The following FAM227B variants were observed in gnomAD, a reference collection of about 807,000 sequenced individuals.
FAM227B encodes family with sequence similarity 227 member B.
Under a neutral mutation model 73.8 loss-of-function variants are expected in FAM227B, and 88 were observed. The ratio of observed to expected loss-of-function variants is 1.19; its 90% CI spans 1.00 to 1.42. FAM227B has a LOEUF of 1.42. Ranked by LOEUF, FAM227B falls within the 40% of genes most tolerant of loss-of-function variation. FAM227B has a pLI of 0.00. For synonymous variants in FAM227B, 210 were observed against 190.5 expected (o/e 1.10, Z -0.84); for missense variants, 632 against 590.9 (o/e 1.07, Z -0.72).
At chr15:49,553,717 A>G (rs571478575) in intron 9 of FAM227B, among the ~76,000 whole-genome samples, 1 of 152,264 alleles carries the variant, frequency 6.6e-6, no homozygotes, top group African/African-American at 2.4e-5. Context: ...CTATCAGCCA[A>G]TGTTCCCTTA....
intron 9 of FAM227B, among the ~76,000 whole-genome samples, chr15:49,564,468 C>T (rs62021587): frequency 0.28 from 42,014 of 152,006 alleles, 6,027 homozygotes; most frequent in East Asian, 0.38. Context: ...CCATTAGACC[C>T]AGGAATCCCA....
In FAM227B at chr15:49,391,854, AG is replaced by A. The variant is rs531417830; in HGVS notation, c.1013-20456del. On this transcript the variant is annotated intron_variant, in intron 11 of 15. Transcript: ENST00000299338. ...TCTGCTTTTAAGAGCCCTTGCTTAT[AG>A]GCCATTGGGGAGGCCAGCTCTTAAG... is the stretch of plus-strand genomic sequence containing the variant. 9.3e-4 allele frequency among the ~76,000 whole-genome samples: 141 copies of A among 152,264 alleles called. 5 individuals are homozygous for A. In the South Asian group the frequency reaches 0.028, roughly 30 times the overall value.
chr15:49,475,056 T>A (rs1475669414), intron 11 of FAM227B, among the ~76,000 whole-genome samples: 5 of 152,156 alleles, frequency 3.3e-5, no homozygotes, highest in Non-Finnish European at 1.5e-5. Context: ...TAAGCATAGA[T>A]ACAATATAAT....
At chr15:49,548,856 T>G (rs925017651) in intron 9 of FAM227B, among the ~76,000 whole-genome samples, 1 of 152,224 alleles carries the variant, frequency 6.6e-6, no homozygotes, top group East Asian at 1.9e-4. Context: ...GCAGTATCAG[T>G]TGCAATGTCT....
At chr15:49,340,403 G>GCCCCC (rs373386438) in intron 13 of FAM227B, among the ~76,000 whole-genome samples, 18 of 94,376 alleles carry the variant, frequency 1.9e-4, no homozygotes, top group Middle Eastern at 5.5e-3. Flanking sequence ...GCAGTGCCCC[G>GCCCCC]CCCCCCCCCT....
chr15:49,617,544 C>T (rs10851479), intron 1 of FAM227B, among the ~76,000 whole-genome samples: 37,801 of 151,916 alleles, frequency 0.25, 5,649 homozygotes, highest in Non-Finnish European at 0.34. Flanking sequence ...AGGATTATGC[C>T]AGAAAATGAC....
At chr15:49,422,139 A>AGAGG (rs2049704519) in intron 11 of FAM227B, among the ~76,000 whole-genome samples, 1 of 142,406 alleles carries the variant, frequency 7.0e-6, no homozygotes. Context: ...AGAGAGAGAG[A>AGAGG]GAGAGAGTGT....
chr15:49,450,208 C>G (rs568942852), intron 11 of FAM227B, among the ~76,000 whole-genome samples: 55 of 152,200 alleles, frequency 3.6e-4, no homozygotes, highest in African/African-American at 1.2e-3. Context: ...TATCAAGACT[C>G]AAGTGACAGA....
intron 3 of FAM227B, among the ~76,000 whole-genome samples, chr15:49,605,700 G>C (rs758588262): frequency 1.3e-5 from 2 of 151,880 alleles, no homozygotes; most frequent in Non-Finnish European, 2.9e-5. Context: ...CCTGAAGTCT[G>C]ACTGCCCTGG....
At chr15:49,355,378 T>C (rs544554595) in intron 13 of FAM227B, among the ~76,000 whole-genome samples, 1 of 151,982 alleles carries the variant, frequency 6.6e-6, no homozygotes, top group Non-Finnish European at 1.5e-5. Context: ...GAATAACCAA[T>C]ACAGAGAACT....
chr15:49,546,676 T>C (rs916051233), intron 9 of FAM227B, among the ~76,000 whole-genome samples: 4 of 152,246 alleles, frequency 2.6e-5, no homozygotes, highest in Non-Finnish European at 5.9e-5. Context: ...TGGTATCTCA[T>C]TGTGGTTTTG....
chr15:49,426,466 G>C (rs1361725097), intron 11 of FAM227B, among the ~76,000 whole-genome samples: 1 of 151,852 alleles, frequency 6.6e-6, no homozygotes, highest in Non-Finnish European at 1.5e-5. Flanking sequence ...CAAAAAAGTA[G>C]ATGTAAAATC....
chr15:49,583,194 C>A (rs144563690), intron 5 of FAM227B, among the ~76,000 whole-genome samples: 1 of 149,884 alleles, frequency 6.7e-6, no homozygotes, highest in Non-Finnish European at 1.5e-5. Context: ...GGACAACTCC[C>A]GTATTTGTTT....
At chr15:49,351,692 A>G (rs898709300) in intron 13 of FAM227B, among the ~76,000 whole-genome samples, 37 of 152,202 alleles carry the variant, frequency 2.4e-4, no homozygotes, top group African/African-American at 8.4e-4. Flanking sequence ...AAGGGAATAA[A>G]GTAACATTGG....
chr15:49,594,488 G>T (rs1257812363), intron 3 of FAM227B, among the ~76,000 whole-genome samples: 1 of 152,134 alleles, frequency 6.6e-6, no homozygotes, highest in Non-Finnish European at 1.5e-5. Flanking sequence ...TCTTGGTCAT[G>T]AAGTCTTTGC....
chr15:49,569,562 G>A (rs913229939), intron 8 of FAM227B, among the ~76,000 whole-genome samples: 2 of 151,872 alleles, frequency 1.3e-5, no homozygotes, highest in Admixed American at 6.6e-5. Flanking sequence ...TTTGATAAAT[G>A]TATACAATGT....
At chr15:49,577,300 CA>C in intron 6 of FAM227B, 1 of 328,952 alleles carries the variant, frequency 3.0e-6, no homozygotes, top group Non-Finnish European at 5.8e-6. Context: ...CCATTCCCCA[CA>C]CCCCCTGCAA....
At chr15:49,590,400 T>A (rs1415346792) in intron 3 of FAM227B, among the ~76,000 whole-genome samples, 1 of 152,194 alleles carries the variant, frequency 6.6e-6, no homozygotes, top group Non-Finnish European at 1.5e-5. Flanking sequence ...AGCAAAAGAA[T>A]CTAGTTCAGA....
At chr15:49,374,420 A>C (rs2046027299) in intron 11 of FAM227B, among the ~76,000 whole-genome samples, 1 of 152,242 alleles carries the variant, frequency 6.6e-6, no homozygotes, top group Non-Finnish European at 1.5e-5. Flanking sequence ...GTAGAAAAGA[A>C]ATGCCAGGAG....
Sources: gnomAD v4.1 joint callset for allele counts (sites outside exome capture counted in the v4.1 genomes callset) on GRCh38, gnomAD v4.1.1 for gene constraint, MANE v1.5 for transcripts, NCBI Gene and HGNC (gene_info 2026-07-23, HGNC 2026-07-21) for gene names.